Variants in PRKCE observed in about 807,000 individuals in gnomAD.
PRKCE encodes the protein protein kinase C epsilon type.
PRKCE carries 16 observed loss-of-function variants against 85.4 expected under a neutral mutation model. The observed-to-expected ratio is 0.19, with a 90% CI of 0.13 to 0.28. PRKCE has a LOEUF of 0.28. Among genes scored for constraint, PRKCE ranks in the 10% least tolerant of loss-of-function variants. The pLI, the probability that PRKCE is intolerant of heterozygous loss-of-function variation, is 1.00. For missense variants in PRKCE, 573 were observed against 975.2 expected, an observed-to-expected ratio of 0.59 and a Z score of 5.49; for synonymous variants, 388 against 371.5, an observed-to-expected ratio of 1.04 and a Z score of -0.51.
At chr2:45,762,635 C>T (rs190275346) in intron 1 of PRKCE, among the ~76,000 whole-genome samples, 139 of 152,350 alleles carry the variant, frequency 9.1e-4, no homozygotes, top group African/African-American at 3.2e-3. Context: ...GAGAGTGATT[C>T]TTCCCAGACC....
intron 2 of PRKCE, among the ~76,000 whole-genome samples, chr2:45,970,673 C>T (rs1237201947): frequency 3.9e-5 from 6 of 151,948 alleles, no homozygotes; most frequent in African/African-American, 1.2e-4. Flanking sequence ...TGGGGAAATT[C>T]AAATATGAAC....
intron 1 of PRKCE, among the ~76,000 whole-genome samples, chr2:45,748,935 G>A (rs1388663089): frequency 3.3e-5 from 5 of 151,652 alleles, no homozygotes; most frequent in African/African-American, 1.2e-4. Flanking sequence ...TGTAGCCCAG[G>A]CTGGAGTACA....
intron 2 of PRKCE, among the ~76,000 whole-genome samples, chr2:45,903,891 G>GTTTT (rs1175822759): frequency 1.1e-5 from 1 of 88,212 alleles, no homozygotes. Context: ...GTTTTTTTTT[G>GTTTT]TTTGTTTGTT....
At chr2:45,983,604 T>G (rs1056312404) in intron 5 of PRKCE, among the ~76,000 whole-genome samples, 1 of 152,178 alleles carries the variant, frequency 6.6e-6, no homozygotes, top group African/African-American at 2.4e-5. Flanking sequence ...CCTGTGACAC[T>G]GGGTGGGACA....
At chr2:45,689,163 A>C (rs1293573042) in intron 1 of PRKCE, among the ~76,000 whole-genome samples, 4 of 152,264 alleles carry the variant, frequency 2.6e-5, no homozygotes, top group African/African-American at 2.4e-5. Flanking sequence ...ACTTAAGCAC[A>C]GCTCTTGTGG....
Position 45,951,490 on chromosome 2 carries a change from C to T in PRKCE, c.413-24939C>T, listed in dbSNP as rs372026938. On this transcript the variant is annotated intron_variant, in intron 2 of 14. Coordinates refer to ENST00000306156, the MANE Select transcript of PRKCE (RefSeq NM_005400.3). ...CATGGCCCCCACTCCTGAGTCAAGGCTTCTCTGGGCCCAGAAAGACAGCCC... is the reference window on the plus strand; with the variant it reads ...CATGGCCCCCACTCCTGAGTCAAGGTTTCTCTGGGCCCAGAAAGACAGCCC... Among the ~76,000 whole-genome samples the T allele has an allele frequency of 1.6e-4, 24 of 152,308 alleles. No homozygotes were observed. In the South Asian group the frequency reaches 4.1e-3, roughly 26 times the overall value.
Position 46,040,644 on chromosome 2 carries a change from G to A in PRKCE, c.1437+30127G>A, listed in dbSNP as rs142844959. Among the ~76,000 whole-genome samples, 407 of 152,250 alleles carry A rather than the reference G, an allele frequency of 2.7e-3. 1 individual carries two copies. Among genetic ancestry groups the A allele is most frequent in the East Asian group, 0.01 (52 of 5,186 alleles). On this transcript the variant is annotated intron_variant, in intron 10 of 14. Transcript: ENST00000306156. ...TACTGTAGATTGCTAACAATCTTGA[G>A]AAAATGGCAAAATCTGCCTTTAAGT...
intron 10 of PRKCE, among the ~76,000 whole-genome samples, chr2:46,048,506 C>A (rs1376633492): frequency 6.6e-6 from 1 of 152,194 alleles, no homozygotes. Context: ...TGCCTCCTAC[C>A]GAGCAGATGA....
intron 14 of PRKCE, among the ~76,000 whole-genome samples, chr2:46,171,618 T>G (rs1208455042): frequency 6.6e-6 from 1 of 152,168 alleles, no homozygotes; most frequent in Non-Finnish European, 1.5e-5. Flanking sequence ...ACAAGACGTC[T>G]AATGCCTCCG....
At chr2:45,707,680 G>C (rs191555245) in intron 1 of PRKCE, among the ~76,000 whole-genome samples, 1 of 152,304 alleles carries the variant, frequency 6.6e-6, no homozygotes, top group Non-Finnish European at 1.5e-5. Context: ...CTGGGGGAGG[G>C]AGAACATTTC....
At chr2:45,789,359 A>G (rs1558673246) in intron 1 of PRKCE, among the ~76,000 whole-genome samples, 1 of 152,226 alleles carries the variant, frequency 6.6e-6, no homozygotes, top group Non-Finnish European at 1.5e-5. Context: ...CAGTTCATGC[A>G]TTTATTGCAT....
intron 2 of PRKCE, among the ~76,000 whole-genome samples, chr2:45,889,856 C>T (rs1030159207): frequency 6.6e-6 from 1 of 152,222 alleles, no homozygotes; most frequent in African/African-American, 2.4e-5. Flanking sequence ...CACAGATTAA[C>T]ATGTGGGCTG....
At chr2:46,044,179 G>A (rs1708380108) in intron 10 of PRKCE, among the ~76,000 whole-genome samples, 1 of 152,230 alleles carries the variant, frequency 6.6e-6, no homozygotes, top group Non-Finnish European at 1.5e-5. Context: ...GATTACAAGA[G>A]AAGAGTAACT....
intron 1 of PRKCE, among the ~76,000 whole-genome samples, chr2:45,743,932 G>C (rs1682797881): frequency 6.6e-6 from 1 of 151,702 alleles, no homozygotes; most frequent in African/African-American, 2.4e-5. Context: ...GAACAGACCT[G>C]AGTGTACAGG....
At chr2:46,034,904 G>A (rs1218236889) in intron 10 of PRKCE, among the ~76,000 whole-genome samples, 2 of 152,268 alleles carry the variant, frequency 1.3e-5, no homozygotes, top group African/African-American at 4.8e-5. Context: ...GAGACTGCTA[G>A]CTTGTTGGCA....
At chr2:46,131,916 T>A (rs1328695816) in intron 11 of PRKCE, among the ~76,000 whole-genome samples, 1 of 152,226 alleles carries the variant, frequency 6.6e-6, no homozygotes, top group Non-Finnish European at 1.5e-5. Flanking sequence ...CAGACCCTGA[T>A]ACACAATGCC....
intron 9 of PRKCE, among the ~76,000 whole-genome samples, chr2:46,008,716 A>G (rs1705410939): frequency 6.6e-6 from 1 of 152,206 alleles, no homozygotes; most frequent in African/African-American, 2.4e-5. Flanking sequence ...AGCTGAAGCA[A>G]TTACATTCTT....
intron 1 of PRKCE, among the ~76,000 whole-genome samples, chr2:45,784,643 T>TA (rs1442955379): frequency 6.6e-6 from 1 of 152,164 alleles, no homozygotes; most frequent in Non-Finnish European, 1.5e-5. Context: ...TGTTTTTTTT[T>TA]AAACAAACCT....
At chr2:45,702,833 C>G (rs17034028) in intron 1 of PRKCE, among the ~76,000 whole-genome samples, 3,153 of 152,218 alleles carry the variant, frequency 0.021, 101 homozygotes, top group African/African-American at 0.073. Context: ...CTACAAGGAG[C>G]CATTTGAACA....
Sources: allele counts gnomAD v4.1 joint callset (sites outside exome capture counted in the v4.1 genomes callset), GRCh38; gene constraint gnomAD v4.1.1; transcripts MANE v1.5; gene names NCBI Gene and HGNC (gene_info 2026-07-23, HGNC 2026-07-21).